Variants in FRMPD4 observed in about 807,000 individuals in gnomAD.
FRMPD4 encodes FERM and PDZ domain-containing protein 4.
A neutral mutation model predicts 94.1 loss-of-function variants in FRMPD4; 22 were observed. The observed-to-expected ratio is 0.23, with a 90% CI of 0.17 to 0.33. FRMPD4 has a LOEUF of 0.33. FRMPD4 is among the 10% of genes least tolerant of loss of function. FRMPD4 has a pLI of 1.00. For synonymous variants in FRMPD4, 631 were observed against 548.6 expected, an observed-to-expected ratio of 1.15 and a Z score of -2.10; for missense variants, 1,111 against 1,339.9, an observed-to-expected ratio of 0.83 and a Z score of 2.67.
intron 1 of FRMPD4, among the ~76,000 whole-genome samples, chrX:11,827,693 G>A (rs1229622046): frequency 9.0e-6 from 1 of 111,709 alleles, no homozygotes; most frequent in Non-Finnish European, 1.9e-5. Context: ...TGCCTGTGAC[G>A]GATTCATTCC....
intron 3 of FRMPD4, among the ~76,000 whole-genome samples, chrX:11,983,029 A>G (rs2054405198): frequency 9.0e-6 from 1 of 111,601 alleles, no homozygotes. Context: ...TTCTGCAGAA[A>G]ATATTGATGC....
chrX:12,229,231 G>A (rs1569198803), intron 1 of FRMPD4, among the ~76,000 whole-genome samples: 1 of 111,662 alleles, frequency 9.0e-6, no homozygotes, highest in Non-Finnish European at 1.9e-5. Flanking sequence ...CCCGAGTCAT[G>A]TCATCTCTTT....
intron 3 of FRMPD4, among the ~76,000 whole-genome samples, chrX:11,963,032 TCTTTCTTGCAATAC>T (rs1259215472): frequency 8.9e-6 from 1 of 112,417 alleles, no homozygotes; most frequent in Non-Finnish European, 1.9e-5. Flanking sequence ...GTACTATTGC[TCTTTCTTGCAATAC>T]CTTTCTTATT....
In FRMPD4 at chrX:11,932,690, T is replaced by TAA. The variant is rs137926332; in HGVS notation, c.95+54685_95+54686dup. Among the ~76,000 whole-genome samples the TAA allele has an allele frequency of 1.1e-3, 105 of 95,914 alleles. 1 individual carries two copies. The South Asian group carries it at 0.034, about 31-fold the overall frequency. The allele number at this position is 95,914 out of a possible 115,157, so 83.3% of individuals were successfully genotyped here. On this transcript the variant is annotated intron_variant, in intron 3 of 18. Coordinates refer to the FRMPD4 transcript ENST00000640291. ...TGAGGACCAAAGAATAAAACAAACA[T>TAA]AAAAAAAAAAAAAAGATTTGAACTT...
intron 1 of FRMPD4, among the ~76,000 whole-genome samples, chrX:12,382,940 T>C (rs1214919256): frequency 8.9e-6 from 1 of 112,280 alleles, no homozygotes; most frequent in Non-Finnish European, 1.9e-5. Flanking sequence ...GGAAAACGTT[T>C]GTTGGATCAA....
At chrX:12,175,492 G>A (rs953464603) in intron 1 of FRMPD4, among the ~76,000 whole-genome samples, 2 of 111,429 alleles carry the variant, frequency 1.8e-5, no homozygotes, top group African/African-American at 6.5e-5. Flanking sequence ...CACCCCAGAT[G>A]CACTGAATCA....
intron 3 of FRMPD4, among the ~76,000 whole-genome samples, chrX:11,903,924 C>T (rs905156715): frequency 2.3e-4 from 25 of 110,944 alleles, no homozygotes; most frequent in Admixed American, 2.2e-3. Context: ...GGACTACAGG[C>T]ATGTGCTGCC....
At position 11,943,591 on chromosome X, in the gene FRMPD4, C is replaced by G. The variant is rs376296896; in HGVS notation, c.95+65573C>G. Among the ~76,000 whole-genome samples, 7 of 110,809 alleles carry G rather than the reference C, an allele frequency of 6.3e-5. No individual in the cohort carries two copies. The East Asian group carries it at 2.0e-3, about 32-fold the overall frequency. ...ACCCACTCTCTGGATAACTGACCCA[C>G]TCCCAAGATAACTACATTATTCCAT... On this transcript the variant is annotated intron_variant, in intron 3 of 18. Coordinates refer to the FRMPD4 transcript ENST00000640291.
intron 1 of FRMPD4, among the ~76,000 whole-genome samples, chrX:12,317,585 C>CAAAAA (rs376884335): frequency 1.4e-4 from 6 of 42,427 alleles, no homozygotes; most frequent in African/African-American, 5.0e-4. Flanking sequence ...AACTAAATAG[C>CAAAAA]AAAAAAAAAA....
chrX:12,566,659 A>G (rs779564615), intron 2 of FRMPD4, among the ~76,000 whole-genome samples: 2 of 112,365 alleles, frequency 1.8e-5, no homozygotes, highest in Non-Finnish European at 3.8e-5. Flanking sequence ...CTTGAAAATT[A>G]AAAGAGCTAA....
chrX:12,555,407 G>A (rs1252408417), intron 2 of FRMPD4, among the ~76,000 whole-genome samples: 3 of 108,419 alleles, frequency 2.8e-5, no homozygotes, highest in African/African-American at 9.9e-5. Flanking sequence ...ATTTTTTTGA[G>A]ATTGGATATA....
At chrX:12,126,847 G>A (rs888947077) in intron 3 of FRMPD4, among the ~76,000 whole-genome samples, 1 of 111,448 alleles carries the variant, frequency 9.0e-6, no homozygotes, top group East Asian at 2.8e-4. Flanking sequence ...CTCTCACGTG[G>A]GCTGACCACT....
chrX:12,043,712 A>G (rs1211256092), intron 3 of FRMPD4, among the ~76,000 whole-genome samples: 1 of 112,219 alleles, frequency 8.9e-6, no homozygotes, highest in African/African-American at 3.2e-5. Context: ...ACTACATTTT[A>G]GCCAACTTAA....
chrX:12,590,417 C>T (rs1471369214), intron 2 of FRMPD4, among the ~76,000 whole-genome samples: 1 of 111,907 alleles, frequency 8.9e-6, no homozygotes, highest in Non-Finnish European at 1.9e-5. Context: ...AAAAGTTTCT[C>T]ACCTTCATTC....
chrX:11,828,668 G>T lies in FRMPD4; in HGVS notation c.-161+5953G>T, dbSNP rs141971087. 2.3e-3 allele frequency among the ~76,000 whole-genome samples: 260 copies of T among 112,135 alleles called. 1 individual carries two copies. The highest frequency in any genetic ancestry group is 7.9e-3 in the African/African-American group (245 of 30,856). On this transcript the variant is annotated intron_variant, in intron 1 of 18. Coordinates refer to the FRMPD4 transcript ENST00000640291. ...GAGGTGCCTTCCTACAGGATTGCTA[G>T]CCCACTGTTCCGAGACAGCAAATTT... is the stretch of plus-strand genomic sequence containing the variant.
chrX:12,107,863 G>A (rs2055314300), intron 3 of FRMPD4, among the ~76,000 whole-genome samples: 1 of 111,256 alleles, frequency 9.0e-6, no homozygotes, highest in African/African-American at 3.3e-5. Context: ...AAGAAGAGAA[G>A]TTTAGAGAAA....
chrX:12,192,833 G>A (rs1042027288), intron 1 of FRMPD4, among the ~76,000 whole-genome samples: 2 of 111,666 alleles, frequency 1.8e-5, no homozygotes, highest in African/African-American at 6.5e-5. Flanking sequence ...TGCTGATGCT[G>A]CTGATCCAGG....
intron 1 of FRMPD4, among the ~76,000 whole-genome samples, chrX:12,408,109 A>G (rs759975169): frequency 1.7e-3 from 184 of 107,843 alleles, no homozygotes; most frequent in African/African-American, 5.9e-3. Flanking sequence ...GCTAGACAAG[A>G]TGGTGGATCC....
intron 1 of FRMPD4, among the ~76,000 whole-genome samples, chrX:12,256,577 G>A (rs2054117456): frequency 8.9e-6 from 1 of 111,896 alleles, no homozygotes; most frequent in Non-Finnish European, 1.9e-5. Context: ...CTATGACCAG[G>A]AAACAGTAAT....
Sources: gnomAD v4.1 joint callset for allele counts (sites outside exome capture counted in the v4.1 genomes callset) on GRCh38, gnomAD v4.1.1 for gene constraint, MANE v1.5 for transcripts, NCBI Gene and HGNC (gene_info 2026-07-23, HGNC 2026-07-21) for gene names.